Variants in ARHGAP40 observed in about 807,000 individuals in gnomAD.
ARHGAP40 encodes the protein rho GTPase-activating protein 40.
Under a neutral mutation model 73.5 loss-of-function variants are expected in ARHGAP40, and 43 were observed. That is an observed-to-expected ratio of 0.58 (90% CI 0.46 to 0.75). The LOEUF (loss-of-function observed/expected upper bound fraction) is 0.75, where lower values mean the gene tolerates loss of function less well. ARHGAP40 is among the 30% of genes least tolerant of loss of function. The pLI is 0.00. For synonymous variants in ARHGAP40, 300 were observed against 352.8 expected (o/e 0.85, Z 1.68); for missense variants, 734 against 861.8 (o/e 0.85, Z 1.86).
At chr20:38,631,091 T>G (rs1417089402) in intron 5 of ARHGAP40, among the ~76,000 whole-genome samples, 1 of 152,064 alleles carries the variant, frequency 6.6e-6, no homozygotes, top group Non-Finnish European at 1.5e-5. Context: ...GCGAGAGGAT[T>G]GCTTGAGTCT....
intron 6 of ARHGAP40, among the ~76,000 whole-genome samples, chr20:38,635,920 C>G (rs977528268): frequency 2.0e-5 from 3 of 152,182 alleles, no homozygotes; most frequent in Non-Finnish European, 4.4e-5. Flanking sequence ...CTAGGCTTAG[C>G]TCCAAGTTGT....
At chr20:38,629,800 G>C (rs1201124160) in intron 5 of ARHGAP40, 150 bp downstream of exon 5, 58 of 905,234 alleles carry the variant, frequency 6.4e-5, no homozygotes, top group Non-Finnish European at 7.6e-5. Flanking sequence ...AATATTTACT[G>C]AGTGACCGCT....
chr20:38,603,592 CTCTG>C (rs1263656770), intron 1 of ARHGAP40, among the ~76,000 whole-genome samples: 1 of 148,010 alleles, frequency 6.8e-6, no homozygotes, highest in African/African-American at 2.6e-5. Flanking sequence ...TCATCTCTCT[CTCTG>C]TCTCTCTCTC....
chr20:38,626,029 T>C (rs955646664), intron 2 of ARHGAP40, among the ~76,000 whole-genome samples: 1 of 152,206 alleles, frequency 6.6e-6, no homozygotes, highest in Admixed American at 6.5e-5. Context: ...TCTGGCATCA[T>C]GATAGAATCA....
intron 5 of ARHGAP40, among the ~76,000 whole-genome samples, chr20:38,632,802 C>A (rs2088949433): frequency 6.6e-6 from 1 of 151,202 alleles, no homozygotes; most frequent in Non-Finnish European, 1.5e-5. Flanking sequence ...ATAGCAAGAC[C>A]CCATCTCTAC....
rs1234215428 is a variant in ARHGAP40 at position 38,634,745 on chromosome 20, G to A, written c.909G>A (p.Leu303=). 3.8e-6 allele frequency: 5 copies of A among 1,303,166 alleles called. No individual in the cohort carries two copies. In the African/African-American group the frequency reaches 6.1e-5, roughly 16 times the overall value. The allele number at this position is 1,303,166 out of a possible 1,614,324, so 80.7% of individuals were successfully genotyped here. ...CCGCGCTCTGTGACATCCTCGGCTT[G>A]GACCTGAAGAGGAGCAAGGCGGGGA... The change falls in exon 6 of 15, where the codon TTG becomes TTA. Residue 303 remains leucine, a synonymous_variant. Coordinates refer to ENST00000373345, the Ensembl canonical transcript of ARHGAP40.
At chr20:38,601,956 CCCT>C in exon 1 of ARHGAP40, 1 of 1,287,854 alleles carries the variant, frequency 7.8e-7, no homozygotes, top group South Asian at 1.2e-5. Flanking sequence ...GCCGAGCCTG[CCCT>C]CCTCCCCGCC....
At chr20:38,601,852 C>T (rs1258808005) in exon 1 of ARHGAP40, 2 of 1,260,058 alleles carry the variant, frequency 1.6e-6, no homozygotes, top group African/African-American at 1.5e-5. Flanking sequence ...GCCACGGGGG[C>T]CCTACCTCAC....
chr20:38,613,443 A>G (rs183724274), intron 1 of ARHGAP40, among the ~76,000 whole-genome samples: 8 of 152,304 alleles, frequency 5.3e-5, no homozygotes, highest in Admixed American at 1.3e-4. Context: ...TGGTTGCACA[A>G]TGGAATCAAC....
chr20:38,619,224 T>C (rs2088860841), intron 1 of ARHGAP40, among the ~76,000 whole-genome samples: 2 of 152,106 alleles, frequency 1.3e-5, no homozygotes, highest in South Asian at 4.2e-4. Context: ...CGTAAGGCAT[T>C]TGGATTTTAT....
chr20:38,627,726 G>A (rs1054437575), intron 3 of ARHGAP40, among the ~76,000 whole-genome samples: 1 of 150,888 alleles, frequency 6.6e-6, no homozygotes, highest in Admixed American at 6.6e-5. Flanking sequence ...GCAGTGGCTT[G>A]CACACGTATG....
chr20:38,649,932 G>T, exon 15 of ARHGAP40: 1 of 1,014,216 alleles, frequency 9.9e-7, no homozygotes, highest in South Asian at 1.4e-5. Context: ...TGAGAACAAA[G>T]CTATTCCAGG....
chr20:38,615,898 AT>A (rs1289447277), intron 1 of ARHGAP40, among the ~76,000 whole-genome samples: 2 of 152,046 alleles, frequency 1.3e-5, no homozygotes, highest in Non-Finnish European at 2.9e-5. Context: ...GTGGCTGGGG[AT>A]TAGTTGCTCT....
intron 1 of ARHGAP40, chr20:38,615,137 G>A (rs946500704): frequency 9.4e-6 from 9 of 960,744 alleles, no homozygotes; most frequent in Admixed American, 5.1e-5. Context: ...TCCGGATTTC[G>A]TCTGCCTTCG....
chr20:38,637,802 A>G lies in ARHGAP40; in HGVS notation c.1041+3A>G, dbSNP rs1237973103. Reference sequence around the variant, plus strand: ...AGGTCCCGCTGGTCCTTCAAGCCGTAAGTCGCCCCTACCCCAGCTTGGGTT... The same window carrying G: ...AGGTCCCGCTGGTCCTTCAAGCCGTGAGTCGCCCCTACCCCAGCTTGGGTT... On this transcript the variant is annotated splice_donor_region_variant and intron_variant, in intron 7 of 14. Transcript: ENST00000373345. 2.3e-6 allele frequency: 3 copies of G among 1,304,838 alleles called. No individual in the cohort carries two copies. The highest frequency in any genetic ancestry group is 3.0e-6 in the Non-Finnish European group (3 of 988,784). 80.8% of individuals were successfully genotyped at this position (1,304,838 alleles called of 1,614,324 possible). A position where few individuals can be genotyped will look rare whatever the true frequency, so the allele number is the denominator to read the frequency against.
intron 2 of ARHGAP40, among the ~76,000 whole-genome samples, chr20:38,626,549 A>T (rs998870674): frequency 6.6e-6 from 1 of 152,234 alleles, no homozygotes; most frequent in African/African-American, 2.4e-5. Context: ...GGACAATTCC[A>T]ACACAAATAA....
At chr20:38,627,173 T>C (rs2088903264) in exon 3 of ARHGAP40, 1 of 1,305,452 alleles carries the variant, frequency 7.7e-7, no homozygotes, top group South Asian at 1.2e-5. Flanking sequence ...ACAAGACACC[T>C]GTCAGAGATG....
chr20:38,637,605 A>G lies in ARHGAP40; in HGVS notation c.950-103A>G. 3 of 918,376 alleles carry G rather than the reference A, an allele frequency of 3.3e-6. No individual in the cohort carries two copies. In the South Asian group the frequency reaches 4.1e-5, roughly 13 times the overall value. The allele number at this position is 918,376 out of a possible 1,614,324, so 56.9% of individuals were successfully genotyped here. A position where few individuals can be genotyped will look rare whatever the true frequency, so the allele number is the denominator to read the frequency against. On this transcript the variant is annotated intron_variant, in intron 6 of 14. Transcript: ENST00000373345. ...TCTCTAGAGAGCTCAGTCCTTCCAC[A>G]GGAAAAGGGGTCTGATTCTAGTTGC...
In ARHGAP40 at chr20:38,646,634, C is replaced by T. The variant is rs2089055298; in HGVS notation, c.1711-323C>T. Among the ~76,000 whole-genome samples, 1 of 152,136 alleles carries T rather than the reference C, an allele frequency of 6.6e-6. No homozygotes were observed. The highest frequency in any genetic ancestry group is 2.4e-5 in the African/African-American group (1 of 41,416). On this transcript the variant is annotated intron_variant, in intron 12 of 14. Transcript: ENST00000373345. The surrounding 1 kb of genome is among the most constrained non-coding windows in gnomAD (Gnocchi z 4.5). ...AAATTGATGAGCGTTGAGGCTGCAC[C>T]GTGCACGATGTGTGGGTGATGGGTC...
Sources: gnomAD v4.1 joint callset for allele counts (sites outside exome capture counted in the v4.1 genomes callset) on GRCh38, gnomAD v4.1.1 for gene constraint, Gnocchi (gnomAD v3.1) non-coding constraint, MANE v1.5 for transcripts, NCBI Gene and HGNC (gene_info 2026-07-23, HGNC 2026-07-21) for gene names.